Variants in FMO3 observed in about 807,000 individuals in gnomAD.
FMO3 encodes the protein flavin containing dimethylaniline monoxygenase 3, also known as flavin-containing monooxygenase 3.
Under a neutral mutation model 39.4 loss-of-function variants are expected in FMO3, and 40 were observed. The observed-to-expected ratio is 1.02, with a 90% CI of 0.79 to 1.32. The LOEUF (loss-of-function observed/expected upper bound fraction) is 1.32. Ranked by LOEUF, FMO3 falls within the 40% of genes most tolerant of loss-of-function variation. The pLI, the probability that FMO3 is intolerant of heterozygous loss-of-function variation, is 0.00. For missense variants in FMO3, 680 were observed against 651.8 expected (o/e 1.04, Z -0.47); for synonymous variants, 219 against 228.8 (o/e 0.96, Z 0.39).
chr1:171,096,016 T>TATATTAATATATAATATATTTAATATACA (rs1431040753), intron 2 of FMO3, among the ~76,000 whole-genome samples: 1 of 47,534 alleles, frequency 2.1e-5, no homozygotes, highest in Non-Finnish European at 3.6e-5. Flanking sequence ...AATATACATA[T>TATATTAATATATAATATATTTAATATACA]TATATATTAA....
Position 171,096,081 on chromosome 1 carries a change from A to AATATATAT in FMO3, c.132+3291_132+3292insATATATAT, listed in dbSNP as rs1557933418. On this transcript the variant is annotated intron_variant, in intron 2 of 8. Transcript: ENST00000367755. ...AATATATATTATATATTAATATATA[A>AATATATAT]TATATATTAATATTTTTATATAATT... Among the ~76,000 whole-genome samples, 27 of 56,016 alleles carry AATATATAT rather than the reference A, an allele frequency of 4.8e-4. No homozygotes were observed. In the South Asian group the frequency reaches 0.013, roughly 27 times the overall value. 36.7% of individuals were successfully genotyped at this position (56,016 alleles called of 152,430 possible).
intron 2 of FMO3, among the ~76,000 whole-genome samples, chr1:171,094,469 T>C (rs1223124048): frequency 6.6e-6 from 1 of 152,182 alleles, no homozygotes; most frequent in African/African-American, 2.4e-5. Flanking sequence ...TTTTAGATTG[T>C]CTATTTTTAT....
Position 171,114,028 on chromosome 1 carries a change from A to G in FMO3, c.849A>G (p.Val283=). ...ACAGAGTCCTGAGGAAAGAGCCTGT[A>G]TTTAACGATGAGCTCCCAGCAAGCA... is the stretch of plus-strand genomic sequence containing the variant. ...PLNGVLRKEP[V]FNDELPASIL... The change falls in exon 7 of 9, where the codon GTA becomes GTG. Residue 283 remains valine (V), a synonymous_variant. Coordinates refer to ENST00000367755, the MANE Select transcript of FMO3 (RefSeq NM_001002294.3). The G allele has an allele frequency of 7.4e-6, 12 of 1,611,198 alleles. No individual in the cohort carries two copies. The highest frequency in any genetic ancestry group is 1.0e-5 in the Non-Finnish European group (12 of 1,178,148).
chr1:171,091,692 G>A (rs762194473), intron 1 of FMO3, among the ~76,000 whole-genome samples: 6 of 151,800 alleles, frequency 4.0e-5, no homozygotes, highest in South Asian at 2.1e-4. Flanking sequence ...GGGCTCAAGC[G>A]ATACCCCAGC....
At chr1:171,097,683 A>G (rs987152827) in intron 2 of FMO3, among the ~76,000 whole-genome samples, 24 of 147,986 alleles carry the variant, frequency 1.6e-4, no homozygotes, top group East Asian at 3.9e-4. Context: ...TGTAGATTCT[A>G]GATATTAGCC....
Position 171,117,178 on chromosome 1 carries a change from C to T in FMO3, c.1335C>T (p.Pro445=), listed in dbSNP as rs769434845. 1.2e-6 allele frequency: 2 copies of T among 1,614,042 alleles called. No homozygotes were observed. Among genetic ancestry groups the T allele is most frequent in the Admixed American group, 1.7e-5 (1 of 60,002 alleles). The change falls in exon 9 of 9, where the codon CCC becomes CCT. Residue 445 remains proline (P), a synonymous_variant. Transcript: ENST00000367755. ...TCTCCTCCTTCATTGGGGCAAAGCC[C>T]AACATCCCATGGCTGTTTCTCACAG... ...DELSSFIGAK[P]NIPWLFLTDP...
At chr1:171,113,877 T>C (rs1312297000) in intron 6 of FMO3, 130 bp from the exon 7 acceptor site, 3 of 598,640 alleles carry the variant, frequency 5.0e-6, no homozygotes, top group Non-Finnish European at 8.8e-6. Flanking sequence ...TCAGCCATAT[T>C]GGAGATACTC....
intron 2 of FMO3, among the ~76,000 whole-genome samples, chr1:171,094,766 C>G (rs536983982): frequency 6.6e-6 from 1 of 152,240 alleles, no homozygotes; most frequent in South Asian, 2.1e-4. Flanking sequence ...GGCTTTATTT[C>G]TGACTTCTCT....
intron 2 of FMO3, among the ~76,000 whole-genome samples, chr1:171,095,214 T>C (rs1654898162): frequency 6.6e-6 from 1 of 152,194 alleles, no homozygotes; most frequent in South Asian, 2.1e-4. Context: ...ACCAAAGTGA[T>C]TGGGACCATG....
intron 2 of FMO3, among the ~76,000 whole-genome samples, chr1:171,093,478 GTAGTATTCCATGGTGTGTGCATA>G (rs1654807627): frequency 1.4e-5 from 2 of 139,406 alleles, no homozygotes; most frequent in African/African-American, 6.8e-5. Flanking sequence ...TTCTCGCTGG[GTAGTATTCCATGGTGTGTGCATA>G]TATACATACA....
chr1:171,111,046 C>G, intron 6 of FMO3, 49 bp downstream of exon 6: 1 of 1,455,424 alleles, frequency 6.9e-7, no homozygotes, highest in African/African-American at 1.4e-5. Flanking sequence ...AGTTCAGTGT[C>G]AACAACCCTT....
At chr1:171,104,062 C>T in intron 3 of FMO3, 89 bp downstream of exon 3, 1 of 1,000,616 alleles carries the variant, frequency 1.0e-6, no homozygotes, top group Non-Finnish European at 1.6e-6. Context: ...TTTCAGTTTC[C>T]CTTTCTAATT....
rs1384237868 is a variant in FMO3 at position 171,107,723 on chromosome 1, C to T, written c.370C>T (p.Gln124Ter). The change falls in exon 4 of 9, where the codon CAG becomes TAG. Residue 124 changes from glutamine to a stop codon, truncating the protein, a stop_gained. Coordinates refer to ENST00000367755, the MANE Select transcript of FMO3 (RefSeq NM_001002294.3). LOFTEE classifies it high-confidence loss of function. ...ACATCCTGATTTTGCAACTACTGGC[C>T]AGTGGGATGTTACCACTGAAAGGGA... The part of the protein sequence containing the change: ...NKHPDFATTG[Q>*]WDVTTERDGK... The T allele has an allele frequency of 8.1e-6, 13 of 1,613,116 alleles. No individual in the cohort carries two copies. Among genetic ancestry groups the T allele is most frequent in the Middle Eastern group, 1.6e-4 (1 of 6,080 alleles).
intron 2 of FMO3, among the ~76,000 whole-genome samples, chr1:171,094,845 G>A (rs1654878499): frequency 1.3e-5 from 2 of 150,388 alleles, no homozygotes; most frequent in Admixed American, 6.6e-5. Context: ...CTATAGCCTT[G>A]TAGTATAATT....
intron 8 of FMO3, 49 bp from the exon 9 acceptor site, chr1:171,117,051 C>A: frequency 7.3e-7 from 1 of 1,365,848 alleles, no homozygotes; most frequent in Non-Finnish European, 1.0e-6. Flanking sequence ...TGTTCTGTTT[C>A]TACACAGAGT....
chr1:171,117,080 G>C lies in FMO3; in HGVS notation c.1257-20G>C, dbSNP rs1422668490. On this transcript the variant is annotated intron_variant, in intron 8 of 8. Transcript: ENST00000367755. The stretch of plus-strand genomic sequence containing the variant: ...ACAGAGTTTGGGTATCCACAGTGGT[G>C]TTTTCTCTCCCATCTCCAGGTTTGG... 6.3e-7 allele frequency: 1 copy of C among 1,594,736 alleles called. No individual in the cohort carries two copies. The highest frequency in any genetic ancestry group is 8.6e-7 in the Non-Finnish European group (1 of 1,162,568).
chr1:171,105,630 T>TA (rs557166351), intron 3 of FMO3, among the ~76,000 whole-genome samples: 3,223 of 146,658 alleles, frequency 0.022, 43 homozygotes, highest in Middle Eastern at 0.053. Flanking sequence ...TAAAGTATAA[T>TA]AAAAAAAAAA....
chr1:171,110,738 T>A (rs553907011), intron 5 of FMO3, 60 bp from the exon 6 acceptor site: 278 of 1,478,474 alleles, frequency 1.9e-4, no homozygotes, highest in Non-Finnish European at 2.2e-4. Flanking sequence ...TCTGGGGTGC[T>A]CACCAGAATA....
chr1:171,113,364 C>T (rs1655997911), intron 6 of FMO3, among the ~76,000 whole-genome samples: 1 of 152,194 alleles, frequency 6.6e-6, no homozygotes, highest in African/African-American at 2.4e-5. Flanking sequence ...ATTGGTGCCT[C>T]TGTCTGCATG....
Sources: gnomAD v4.1 joint callset for allele counts (sites outside exome capture counted in the v4.1 genomes callset) on GRCh38, gnomAD v4.1.1 for gene constraint, MANE v1.5 for transcripts, NCBI Gene and HGNC (gene_info 2026-07-23, HGNC 2026-07-21) for gene names.